The following ATXN7L1 variants were observed in gnomAD, a reference collection of about 807,000 sequenced individuals.
The protein encoded by ATXN7L1 is ataxin 7 like 1, also known as ataxin-7-like protein 1.
Under a neutral mutation model 70.8 loss-of-function variants are expected in ATXN7L1, and 15 were observed. The observed-to-expected ratio is 0.21, with a 90% CI of 0.14 to 0.33. The LOEUF (loss-of-function observed/expected upper bound fraction) is 0.33. Ranked by LOEUF, ATXN7L1 falls within the 10% of genes least tolerant of loss-of-function variation. The pLI is 1.00. For synonymous variants in ATXN7L1, 440 were observed against 445.1 expected (o/e 0.99, Z 0.14); for missense variants, 975 against 1,097.1 (o/e 0.89, Z 1.57).
At chr7:105,827,159 G>A (rs1810986782) in intron 2 of ATXN7L1, among the ~76,000 whole-genome samples, 1 of 152,186 alleles carries the variant, frequency 6.6e-6, no homozygotes, top group African/African-American at 2.4e-5. Context: ...CAAGAATACA[G>A]AAGAAAATCT....
chr7:105,732,612 G>A (rs747500015), intron 3 of ATXN7L1, among the ~76,000 whole-genome samples: 8 of 152,158 alleles, frequency 5.3e-5, no homozygotes, highest in African/African-American at 9.7e-5. Flanking sequence ...CAGTTGTTCT[G>A]AGTGGGCATT....
At chr7:105,659,950 C>T (rs189657090) in intron 4 of ATXN7L1, among the ~76,000 whole-genome samples, 91 of 151,982 alleles carry the variant, frequency 6.0e-4, no homozygotes, top group South Asian at 1.7e-3. Context: ...CCCAGCTGAA[C>T]TCATCCTTCC....
intron 3 of ATXN7L1, among the ~76,000 whole-genome samples, chr7:105,696,374 C>T (rs1018726448): frequency 6.6e-6 from 1 of 152,210 alleles, no homozygotes; most frequent in African/African-American, 2.4e-5. Flanking sequence ...TGAATCAGAA[C>T]AGTCTTGGCA....
At chr7:105,635,449 T>C (rs1797217332) in intron 7 of ATXN7L1, among the ~76,000 whole-genome samples, 1 of 152,216 alleles carries the variant, frequency 6.6e-6, no homozygotes, top group South Asian at 2.1e-4. Flanking sequence ...CCCCTCCCAC[T>C]CACTAACAGC....
At chr7:105,677,069 AG>A (rs1302445835) in intron 3 of ATXN7L1, among the ~76,000 whole-genome samples, 4 of 152,230 alleles carry the variant, frequency 2.6e-5, no homozygotes, top group African/African-American at 9.6e-5. Flanking sequence ...CAGGAGGCAG[AG>A]CAGGTGCCAG....
intron 3 of ATXN7L1, among the ~76,000 whole-genome samples, chr7:105,667,275 G>C (rs1397577320): frequency 2.6e-5 from 4 of 152,184 alleles, no homozygotes; most frequent in African/African-American, 4.8e-5. Context: ...CAAGGATCAG[G>C]GTGCCTCTGT....
chr7:105,715,299 T>C (rs886244715), intron 3 of ATXN7L1, among the ~76,000 whole-genome samples: 1 of 152,206 alleles, frequency 6.6e-6, no homozygotes, highest in East Asian at 1.9e-4. Flanking sequence ...AATGGAAGTA[T>C]ACTATCTTAC....
At chr7:105,628,020 T>G (rs1223080730) in intron 7 of ATXN7L1, among the ~76,000 whole-genome samples, 2 of 151,580 alleles carry the variant, frequency 1.3e-5, no homozygotes, top group East Asian at 3.9e-4. Flanking sequence ...AATTTTTGTA[T>G]TTTTAGTAGA....
At chr7:105,716,189 G>A (rs1794522447) in intron 3 of ATXN7L1, among the ~76,000 whole-genome samples, 2 of 151,748 alleles carry the variant, frequency 1.3e-5, no homozygotes, top group African/African-American at 2.4e-5. Flanking sequence ...CAAAGATGAA[G>A]AAAAAAGTCA....
chr7:105,876,029 T>C, intron 1 of ATXN7L1, 149 bp from the exon 2 acceptor site: 1 of 816,666 alleles, frequency 1.2e-6, no homozygotes, highest in Non-Finnish European at 1.9e-6. Flanking sequence ...CAATGCAACA[T>C]TTTCTCCCAA....
chr7:105,738,152 C>T (rs529702663), intron 3 of ATXN7L1, among the ~76,000 whole-genome samples: 26 of 152,328 alleles, frequency 1.7e-4, no homozygotes, highest in Non-Finnish European at 3.4e-4. Flanking sequence ...TCTTCCAGGA[C>T]GGCTCTCTGT....
intron 3 of ATXN7L1, chr7:105,761,433 C>A: frequency 6.2e-7 from 1 of 1,614,114 alleles, no homozygotes; most frequent in Non-Finnish European, 8.5e-7. Flanking sequence ...CCTGGAGATG[C>A]CTTCATTTCT....
At chr7:105,728,258 A>C (rs1488579368) in intron 3 of ATXN7L1, among the ~76,000 whole-genome samples, 1 of 152,244 alleles carries the variant, frequency 6.6e-6, no homozygotes, top group East Asian at 1.9e-4. Flanking sequence ...AGTCCCTAAG[A>C]CTAAAGGCAA....
At chr7:105,744,735 C>CTTT (rs11465151) in intron 3 of ATXN7L1, among the ~76,000 whole-genome samples, 13 of 117,098 alleles carry the variant, frequency 1.1e-4, no homozygotes, top group African/African-American at 2.0e-4. Context: ...TCTTTCTTTA[C>CTTT]TTTTTTTTTT....
intron 2 of ATXN7L1, among the ~76,000 whole-genome samples, chr7:105,832,061 G>T (rs976475490): frequency 6.6e-6 from 1 of 152,144 alleles, no homozygotes; most frequent in African/African-American, 2.4e-5. Flanking sequence ...GACTATATTG[G>T]AAGGCTGCAT....
intron 3 of ATXN7L1, among the ~76,000 whole-genome samples, chr7:105,695,042 T>A (rs1430360877): frequency 3.9e-5 from 6 of 152,074 alleles, no homozygotes; most frequent in African/African-American, 1.4e-4. Context: ...TCCCAGCTAC[T>A]CAGGAGGCTG....
chr7:105,622,400 C>G (rs549595975), intron 8 of ATXN7L1, among the ~76,000 whole-genome samples: 1 of 152,196 alleles, frequency 6.6e-6, no homozygotes, highest in Admixed American at 6.5e-5. Flanking sequence ...TGATTCCGTA[C>G]AGATGCGAGG....
chr7:105,725,669 C>T (rs1449318334), intron 3 of ATXN7L1, among the ~76,000 whole-genome samples: 2 of 151,994 alleles, frequency 1.3e-5, no homozygotes, highest in African/African-American at 4.8e-5. Context: ...CAACCTCCCC[C>T]TCCCAAGTTC....
intron 2 of ATXN7L1, among the ~76,000 whole-genome samples, chr7:105,816,105 G>C (rs1472672386): frequency 6.6e-6 from 1 of 152,190 alleles, no homozygotes; most frequent in Non-Finnish European, 1.5e-5. Flanking sequence ...ATGGGGAGGA[G>C]AAGTGAGGGT....
Sources: gnomAD v4.1 joint callset for allele counts (sites outside exome capture counted in the v4.1 genomes callset) on GRCh38, gnomAD v4.1.1 for gene constraint, MANE v1.5 for transcripts, NCBI Gene and HGNC (gene_info 2026-07-23, HGNC 2026-07-21) for gene names.